Variants in SOX11 observed in about 807,000 individuals in gnomAD.
SOX11 encodes SRY-box transcription factor 11.
Under a neutral mutation model 16.7 loss-of-function variants are expected in SOX11, and 5 were observed. The ratio of observed to expected loss-of-function variants is 0.30; its 90% CI spans 0.16 to 0.63. The LOEUF is 0.63. SOX11 is among the 20% of genes least tolerant of loss of function. SOX11 has a pLI of 0.82. For synonymous variants in SOX11, 363 were observed against 298.8 expected (o/e 1.21, Z -2.22); for missense variants, 492 against 641.5 (o/e 0.77, Z 2.52).
In SOX11 at chr2:5,696,804, GC is replaced by G; in HGVS notation, c.*2760del. 6.5e-6 allele frequency: 1 copy of G among 154,304 alleles called. No individual in the cohort carries two copies. 9.6% of individuals were successfully genotyped at this position (154,304 alleles called of 1,614,324 possible). On this transcript the variant is annotated 3_prime_UTR_variant, in exon 1 of 1. Transcript: ENST00000322002. Reference sequence around the variant, plus strand: ...CGGCTGCCGCACCCGCGCACCCCGGGCCCTCACCACGCCCTCCCCGCGCGCC... The same window carrying G: ...CGGCTGCCGCACCCGCGCACCCCGGGCCTCACCACGCCCTCCCCGCGCGCC...
chr2:5,700,420 CAA>C lies in SOX11; in HGVS notation c.*6386_*6387del, dbSNP rs201271298. 33 of 135,582 alleles carry C rather than the reference CAA, an allele frequency of 2.4e-4. No homozygotes were observed. The highest frequency in any genetic ancestry group is 2.7e-4 in the South Asian group (1 of 3,710). 8.4% of individuals were successfully genotyped at this position (135,582 alleles called of 1,614,324 possible). On this transcript the variant is annotated 3_prime_UTR_variant, in exon 1 of 1. Coordinates refer to ENST00000322002, the MANE Select transcript of SOX11 (RefSeq NM_003108.4). Reference sequence around the variant, plus strand: ...CTTAGACACGTTACATTTCCCCTTCCAAAAAAAAAAAAAAGGACAACTGGAAG... The same window carrying C: ...CTTAGACACGTTACATTTCCCCTTCCAAAAAAAAAAAAGGACAACTGGAAG...
At position 5,693,409 on chromosome 2, in the gene SOX11, G is replaced by C; in HGVS notation, c.688G>C (p.Asp230His). ...VFLDEDDDDD[D>H]DDDELQLQIK... ...TCTGGATGAGGACGACGACGACGAC[G>C]ACGACGACGACGAGCTGCAGCTGCA... The change falls in exon 1 of 1, where the codon GAC becomes CAC. Residue 230 changes from aspartate (D) to histidine (H), a missense_variant. Asp to His is a moderately conservative substitution (Grantham distance 81). Transcript: ENST00000322002. The surrounding 1 kb of genome is among the most constrained non-coding windows in gnomAD (Gnocchi z 8.6). The C allele has an allele frequency of 6.3e-7, 1 of 1,590,992 alleles. No individual in the cohort carries two copies. Among genetic ancestry groups the C allele is most frequent in the Non-Finnish European group, 8.5e-7 (1 of 1,176,982 alleles).
Position 5,694,947 on chromosome 2 carries a change from A to C in SOX11, c.*900A>C, listed in dbSNP as rs1209353499. On this transcript the variant is annotated 3_prime_UTR_variant, in exon 1 of 1. Transcript: ENST00000322002. ...CCAGACAGCCTAGACCTCAGTACAA[A>C]AGGTATTGAAACATTTTTGATACAT... 6.0e-6 allele frequency: 1 copy of C among 166,766 alleles called. No homozygotes were observed. The highest frequency in any genetic ancestry group is 2.4e-5 in the African/African-American group (1 of 41,414). 10.3% of individuals were successfully genotyped at this position (166,766 alleles called of 1,614,324 possible).
rs1398682927 is a variant in SOX11 at position 5,701,059 on chromosome 2, G to A, written c.*7012G>A. On this transcript the variant is annotated 3_prime_UTR_variant, in exon 1 of 1. Transcript: ENST00000322002. ...CACTAGGGGGGAAAGAAAATGCATG[G>A]CAAAGTTTCGTCTTCTCGTAGACTA... is the stretch of plus-strand genomic sequence containing the variant. 6.0e-6 allele frequency: 1 copy of A among 166,982 alleles called. No homozygotes were observed. The highest frequency in any genetic ancestry group is 2.4e-5 in the African/African-American group (1 of 41,424). The allele number at this position is 166,982 out of a possible 1,614,324, so 10.3% of individuals were successfully genotyped here. A position where few individuals can be genotyped will look rare whatever the true frequency, so the allele number is the denominator to read the frequency against.
In SOX11 at chr2:5,694,002, G is replaced by A; in HGVS notation, c.1281G>A (p.Gly427=). The change falls in exon 1 of 1, where the codon GGG becomes GGA. Residue 427 remains glycine (G), a synonymous_variant. Transcript: ENST00000322002. ...CGGAGCTGAGCGAGATGATCGCGGG[G>A]GACTGGCTGGAGGCGAACTTCTCCG... ...CTPELSEMIA[G]DWLEANFSDL... 6.4e-7 allele frequency: 1 copy of A among 1,551,416 alleles called. No homozygotes were observed. The highest frequency in any genetic ancestry group is 8.7e-7 in the Non-Finnish European group (1 of 1,147,010).
At position 5,699,612 on chromosome 2, in the gene SOX11, GT is replaced by G. The variant is rs947742387; in HGVS notation, c.*5570del. ...CTCAGGATTTTTTTGTTCAGTTTTGGTTTTTGCCCCTTCCTGTGGAGCCTAC... is the reference window on the plus strand; with the variant it reads ...CTCAGGATTTTTTTGTTCAGTTTTGGTTTTGCCCCTTCCTGTGGAGCCTAC... On this transcript the variant is annotated 3_prime_UTR_variant, in exon 1 of 1. Coordinates refer to ENST00000322002, the MANE Select transcript of SOX11 (RefSeq NM_003108.4). 6.0e-6 allele frequency: 1 copy of G among 165,898 alleles called. No homozygotes were observed. The highest frequency in any genetic ancestry group is 2.4e-5 in the African/African-American group (1 of 41,144). 10.3% of individuals were successfully genotyped at this position (165,898 alleles called of 1,614,324 possible).
rs1351978920 is a variant in SOX11, at chr2:5,696,976, C to G, written c.*2929C>G. 6.4e-6 allele frequency: 1 copy of G among 157,088 alleles called. No homozygotes were observed. The highest frequency in any genetic ancestry group is 2.0e-4 in the East Asian group (1 of 5,122). 9.7% of individuals were successfully genotyped at this position (157,088 alleles called of 1,614,324 possible). ...CCGCTGGCGCTCCCCGCTCGCTGAA[C>G]CCCGTTTGCCTGTCCACACCCCCTC... On this transcript the variant is annotated 3_prime_UTR_variant, in exon 1 of 1. Transcript: ENST00000322002.
Position 5,693,244 on chromosome 2 carries a change from G to A in SOX11, c.523G>A (p.Ala175Thr). ...ATGCGGCAAGCTCAAGGCCCCCGCGGCCGCGGGCGCCAAGGCGGGCGCGGG... is the reference window on the plus strand; with the variant it reads ...ATGCGGCAAGCTCAAGGCCCCCGCGACCGCGGGCGCCAAGGCGGGCGCGGG... ...KKCGKLKAPAAAGAKAGAGKA... is the reference protein window; with the variant it reads ...KKCGKLKAPATAGAKAGAGKA... Residue 175 changes from alanine to threonine, a missense_variant, in exon 1 of 1, where the codon GCC becomes ACC. Physicochemically the swap from Ala to Thr is moderately conservative, Grantham distance 58 (BLOSUM62 0). Coordinates refer to ENST00000322002, the MANE Select transcript of SOX11 (RefSeq NM_003108.4). The surrounding 1 kb of genome is among the most constrained non-coding windows in gnomAD (Gnocchi z 8.6). 1 of 1,380,092 alleles carries A rather than the reference G, an allele frequency of 7.2e-7. No homozygotes were observed. Among genetic ancestry groups the A allele is most frequent in the African/African-American group, 1.5e-5 (1 of 64,818 alleles). The allele number at this position is 1,380,092 out of a possible 1,614,324, so 85.5% of individuals were successfully genotyped here. A position where few individuals can be genotyped will look rare whatever the true frequency, so the allele number is the denominator to read the frequency against.
Position 5,693,490 on chromosome 2 carries a change from C to A in SOX11, c.769C>A (p.Gln257Lys). 1.3e-6 allele frequency: 2 copies of A among 1,582,356 alleles called. No individual in the cohort carries two copies. The highest frequency in any genetic ancestry group is 2.3e-5 in the East Asian group (1 of 44,008). Reference protein sequence around the residue: ...DEEPPHQQLLQPPGQQPSQLL... With the variant: ...DEEPPHQQLLKPPGQQPSQLL... The stretch of plus-strand genomic sequence containing the variant: ...GGAACCACCGCACCAGCAGCTCCTG[C>A]AGCCGCCGGGGCAGCAGCCGTCGCA... The change falls in exon 1 of 1, where the codon CAG (glutamine) becomes AAG (lysine). Residue 257 changes from glutamine to lysine, a missense_variant. Gln to Lys is a moderately conservative substitution (Grantham distance 53). This residue lies in a region of SOX11 where 389 missense variants were observed against 389.0 expected (regional missense o/e 1.00). Coordinates refer to ENST00000322002, the MANE Select transcript of SOX11 (RefSeq NM_003108.4). The surrounding 1 kb of genome is among the most constrained non-coding windows in gnomAD (Gnocchi z 8.6).
rs752070512 is a variant in SOX11 at position 5,693,093 on chromosome 2, C to G, written c.372C>G (p.Pro124=). The change falls in exon 1 of 1, where the codon CCC becomes CCG. Residue 124 remains proline (P), a synonymous_variant. Coordinates refer to ENST00000322002, the MANE Select transcript of SOX11 (RefSeq NM_003108.4). The surrounding 1 kb of genome is among the most constrained non-coding windows in gnomAD (Gnocchi z 8.6). The part of the protein sequence containing the change: ...PDYKYRPRKK[P]KMDPSAKPSA... ...ACAAGTACCGGCCCCGGAAAAAGCCCAAAATGGACCCCTCGGCCAAGCCCA... is the reference window on the plus strand; with the variant it reads ...ACAAGTACCGGCCCCGGAAAAAGCCGAAAATGGACCCCTCGGCCAAGCCCA... 6.2e-7 allele frequency: 1 copy of G among 1,613,808 alleles called. No individual in the cohort carries two copies. Among genetic ancestry groups the G allele is most frequent in the Non-Finnish European group, 8.5e-7 (1 of 1,179,984 alleles).
rs1023440159 is a variant in SOX11, at chr2:5,700,472, A to T, written c.*6425A>T. ...GTAATTTATCATATAAAGAATTTTG[A>T]TCAAATAGATATTGACAAAGGGCCC... On this transcript the variant is annotated 3_prime_UTR_variant, in exon 1 of 1. Coordinates refer to ENST00000322002, the MANE Select transcript of SOX11 (RefSeq NM_003108.4). 1.2e-5 allele frequency: 2 copies of T among 165,800 alleles called. No homozygotes were observed. Among genetic ancestry groups the T allele is most frequent in the African/African-American group, 4.9e-5 (2 of 41,178 alleles). The allele number at this position is 165,800 out of a possible 1,614,324, so 10.3% of individuals were successfully genotyped here. A position where few individuals can be genotyped will look rare whatever the true frequency, so the allele number is the denominator to read the frequency against.
rs1335200810 is a variant in SOX11 at position 5,693,126 on chromosome 2, C to T, written c.405C>T (p.Ser135=). 1 of 1,611,240 alleles carries T rather than the reference C, an allele frequency of 6.2e-7. No individual in the cohort carries two copies. The highest frequency in any genetic ancestry group is 1.7e-5 in the Admixed American group (1 of 59,930). The change falls in exon 1 of 1, where the codon AGC becomes AGT. Residue 135 remains serine, a synonymous_variant. Coordinates refer to ENST00000322002, the MANE Select transcript of SOX11 (RefSeq NM_003108.4). The surrounding 1 kb of genome is among the most constrained non-coding windows in gnomAD (Gnocchi z 8.6). ...KMDPSAKPSA[S]QSPEKSAAGG... The stretch of plus-strand genomic sequence containing the variant: ...ACCCCTCGGCCAAGCCCAGCGCCAG[C>T]CAGAGCCCAGAGAAGAGCGCGGCCG...
In SOX11 at chr2:5,699,070, C is replaced by A. The variant is rs1439293229; in HGVS notation, c.*5023C>A. On this transcript the variant is annotated 3_prime_UTR_variant, in exon 1 of 1. Transcript: ENST00000322002. The stretch of plus-strand genomic sequence containing the variant: ...CTTTTCTTCTAATGGGCATATGTAT[C>A]CTTGTGGACACTTTGAGAGAGGTTT... 1 of 166,734 alleles carries A rather than the reference C, an allele frequency of 6.0e-6. No homozygotes were observed. The highest frequency in any genetic ancestry group is 2.4e-5 in the African/African-American group (1 of 41,332). The allele number at this position is 166,734 out of a possible 1,614,324, so 10.3% of individuals were successfully genotyped here. A position where few individuals can be genotyped will look rare whatever the true frequency, so the allele number is the denominator to read the frequency against.
rs911350759 is a variant in SOX11, at chr2:5,697,117, G to C, written c.*3070G>C. 6.2e-6 allele frequency: 1 copy of C among 162,122 alleles called. No individual in the cohort carries two copies. The highest frequency in any genetic ancestry group is 2.4e-5 in the African/African-American group (1 of 41,392). 10.0% of individuals were successfully genotyped at this position (162,122 alleles called of 1,614,324 possible). A position where few individuals can be genotyped will look rare whatever the true frequency, so the allele number is the denominator to read the frequency against. ...GCTCCCGCCCCCCTTCCGAGCATCC[G>C]CCGCCTCTTTTCTGCTGGGTCTGGG... On this transcript the variant is annotated 3_prime_UTR_variant, in exon 1 of 1. Transcript: ENST00000322002.
In SOX11 at chr2:5,696,477, G is replaced by A. The variant is rs1665730879; in HGVS notation, c.*2430G>A. The A allele has an allele frequency of 6.4e-6, 1 of 155,828 alleles. No individual in the cohort carries two copies. 9.7% of individuals were successfully genotyped at this position (155,828 alleles called of 1,614,324 possible). ...CCCCGAGGAACATGGCATGGCCTCT[G>A]TGCGATCCGAGTCGCGGTCTCCGGG... On this transcript the variant is annotated 3_prime_UTR_variant, in exon 1 of 1. Transcript: ENST00000322002.
In SOX11 at chr2:5,697,080, C is replaced by G. The variant is rs1175164043; in HGVS notation, c.*3033C>G. On this transcript the variant is annotated 3_prime_UTR_variant, in exon 1 of 1. Transcript: ENST00000322002. ...CCGAGCAGGCGATCGCGGCCGGGCA[C>G]GCGCGCCCCGGGCTCCCGCCCCCCT... The G allele has an allele frequency of 6.3e-6, 1 of 158,308 alleles. No homozygotes were observed. The highest frequency in any genetic ancestry group is 1.5e-5 in the Non-Finnish European group (1 of 68,134). 9.8% of individuals were successfully genotyped at this position (158,308 alleles called of 1,614,324 possible).
rs746846042 is a variant in SOX11, at chr2:5,693,393, GGACGACGAC to G, written c.693_701del (p.Asp231_Asp233del). 6.2e-5 allele frequency: 99 copies of G among 1,586,536 alleles called. No homozygotes were observed. The highest frequency in any genetic ancestry group is 1.7e-4 in the Middle Eastern group (1 of 5,832). Reference sequence around the variant, plus strand: ...CGGTCAAGTGCGTGTTTCTGGATGAGGACGACGACGACGACGACGACGACGACGAGCTGC... The same window carrying G: ...CGGTCAAGTGCGTGTTTCTGGATGAGGACGACGACGACGACGACGAGCTGC... On this transcript the variant is annotated inframe_deletion, in exon 1 of 1. Coordinates refer to ENST00000322002, the MANE Select transcript of SOX11 (RefSeq NM_003108.4). The surrounding 1 kb of genome is among the most constrained non-coding windows in gnomAD (Gnocchi z 8.6).
In SOX11 at chr2:5,692,669, C is replaced by A; in HGVS notation, c.-53C>A. ...GGAGGGGTGGGAGGGGGAGGGGGAC[C>A]TCCGCACGAGACCCAGCGGCCCGGG... is the stretch of plus-strand genomic sequence containing the variant. On this transcript the variant is annotated 5_prime_UTR_variant, in exon 1 of 1. Coordinates refer to ENST00000322002, the MANE Select transcript of SOX11 (RefSeq NM_003108.4). The A allele has an allele frequency of 1.4e-6, 2 of 1,463,898 alleles. No homozygotes were observed. Among genetic ancestry groups the A allele is most frequent in the Non-Finnish European group, 1.8e-6 (2 of 1,094,504 alleles). 90.7% of individuals were successfully genotyped at this position (1,463,898 alleles called of 1,614,324 possible).
Position 5,697,515 on chromosome 2 carries a change from C to G in SOX11, c.*3468C>G, listed in dbSNP as rs1665759508. 6.0e-6 allele frequency: 1 copy of G among 165,780 alleles called. No homozygotes were observed. Among genetic ancestry groups the G allele is most frequent in the Non-Finnish European group, 1.5e-5 (1 of 68,000 alleles). The allele number at this position is 165,780 out of a possible 1,614,324, so 10.3% of individuals were successfully genotyped here. ...CCCCAGCCTCCCGCTCTGGGCGAGC[C>G]TCCTCCCCAGCCCCCACCCCTGGGA... On this transcript the variant is annotated 3_prime_UTR_variant, in exon 1 of 1. Transcript: ENST00000322002.
Sources: gnomAD v4.1 joint callset for allele counts on GRCh38, gnomAD v4.1.1 for gene constraint, gnomAD v4.1.1 regional missense constraint, Gnocchi (gnomAD v3.1) non-coding constraint, MANE v1.5 for transcripts, NCBI Gene and HGNC (gene_info 2026-07-23, HGNC 2026-07-21) for gene names.